The following TUSC7 variants were observed in gnomAD, a reference collection of about 807,000 sequenced individuals.
The protein encoded by TUSC7 is LSAMP antisense RNA 3.
chr3:116,710,123 C>G (rs963412911), intron 1 of TUSC7: 3 of 152,124 alleles, frequency 2.0e-5, no homozygotes, highest in Admixed American at 2.0e-4. Context: ...CCACAAATTT[C>G]TAATTTTAAA....
chr3:116,712,197 A>G lies in TUSC7; in HGVS notation n.98+2321A>G, dbSNP rs372055164. Among the ~76,000 whole-genome samples, 7 of 152,320 alleles carry G rather than the reference A, an allele frequency of 4.6e-5. No homozygotes were observed. The East Asian group carries it at 1.3e-3, about 29-fold the overall frequency. On this transcript the variant is annotated intron_variant and non_coding_transcript_variant, in intron 1 of 2. Transcript: ENST00000477805. ...GCTCCTGTGTTTTCTTATCTTATTAAATGATGCAATTTTCTGCCTTTGTCA... is the reference window on the plus strand; with the variant it reads ...GCTCCTGTGTTTTCTTATCTTATTAGATGATGCAATTTTCTGCCTTTGTCA...
At chr3:116,715,015 A>G (rs2051494122) in intron 1 of TUSC7, among the ~76,000 whole-genome samples, 1 of 152,146 alleles carries the variant, frequency 6.6e-6, no homozygotes, top group Admixed American at 6.6e-5. Context: ...ACCCTTGACA[A>G]CCACTCATCT....
At chr3:116,716,608 G>T (rs1380275688) in intron 1 of TUSC7, 3 of 152,194 alleles carry the variant, frequency 2.0e-5, no homozygotes, top group African/African-American at 7.2e-5. Flanking sequence ...CTGTCCATCA[G>T]ACAAGGATGA....
intron 1 of TUSC7, chr3:116,714,262 C>T (rs1020170559): frequency 1.3e-5 from 2 of 152,126 alleles, no homozygotes; most frequent in African/African-American, 4.8e-5. Context: ...TTACCTTTCA[C>T]CATGGAATTG....
intron 1 of TUSC7, among the ~76,000 whole-genome samples, chr3:116,713,324 A>C (rs16825362): frequency 0.28 from 42,816 of 152,016 alleles, 6,495 homozygotes; most frequent in South Asian, 0.51. Context: ...CATCATGCTG[A>C]CACTCCCTAA....
intron 1 of TUSC7, among the ~76,000 whole-genome samples, chr3:116,715,570 T>G (rs1179814560): frequency 6.6e-6 from 1 of 152,216 alleles, no homozygotes; most frequent in African/African-American, 2.4e-5. Flanking sequence ...ATTTCCCTGA[T>G]GACATACTGT....
At chr3:116,709,791 G>A (rs1393976014) in exon 1 of TUSC7, 2 of 152,088 alleles carry the variant, frequency 1.3e-5, no homozygotes, top group Non-Finnish European at 2.9e-5. Flanking sequence ...TACACAAGGG[G>A]TACCAAAGTC....
At chr3:116,715,214 A>G (rs2051495578) in intron 1 of TUSC7, among the ~76,000 whole-genome samples, 2 of 152,078 alleles carry the variant, frequency 1.3e-5, no homozygotes, top group Admixed American at 1.3e-4. Flanking sequence ...ACCACAGTTG[A>G]TTTCTCCATT....
intron 1 of TUSC7, among the ~76,000 whole-genome samples, chr3:116,713,579 AG>A (rs2051480221): frequency 6.6e-6 from 1 of 152,218 alleles, no homozygotes; most frequent in East Asian, 1.9e-4. Context: ...GTTTCTAACT[AG>A]AGTTTTAAGC....
intron 1 of TUSC7, among the ~76,000 whole-genome samples, chr3:116,713,241 A>G (rs2051477660): frequency 6.6e-6 from 1 of 152,214 alleles, no homozygotes; most frequent in African/African-American, 2.4e-5. Context: ...AAAATTCTAT[A>G]GATGACCCAG....
intron 1 of TUSC7, among the ~76,000 whole-genome samples, chr3:116,711,452 A>G (rs2051462641): frequency 6.6e-6 from 1 of 152,268 alleles, no homozygotes; most frequent in East Asian, 1.9e-4. Context: ...ATTATTATTC[A>G]GGAAACCTGT....
chr3:116,714,629 T>G, intron 1 of TUSC7, among the ~76,000 whole-genome samples: 1 of 152,290 alleles, frequency 6.6e-6, no homozygotes, highest in South Asian at 2.1e-4. Flanking sequence ...TTATTCCAAC[T>G]GTATGACAGA....
intron 1 of TUSC7, among the ~76,000 whole-genome samples, chr3:116,714,389 C>G (rs1031858627): frequency 1.3e-5 from 2 of 152,188 alleles, no homozygotes; most frequent in Non-Finnish European, 2.9e-5. Flanking sequence ...TAGAGCTAGT[C>G]TGCATCTTAG....
At chr3:116,710,075 C>A (rs2051450671) in intron 1 of TUSC7, 1 of 152,122 alleles carries the variant, frequency 6.6e-6, no homozygotes, top group African/African-American at 2.4e-5. Flanking sequence ...GCGCATTTCT[C>A]TTAAACAATG....
Position 116,711,986 on chromosome 3 carries a change from T to A in TUSC7, n.98+2110T>A, listed in dbSNP as rs143841605. Among the ~76,000 whole-genome samples the A allele has an allele frequency of 2.1e-3, 325 of 152,356 alleles. 3 individuals are homozygous for A. Among genetic ancestry groups the A allele is most frequent in the Middle Eastern group, 0.017 (5 of 294 alleles). ...TTATCCTTTTTTGTGAGGCACATTT[T>A]ATGAATTGGTTATTATCTGCATTAG... On this transcript the variant is annotated intron_variant and non_coding_transcript_variant, in intron 1 of 2. Coordinates refer to ENST00000477805, the Ensembl canonical transcript of TUSC7.
chr3:116,713,864 G>C (rs960297400), intron 1 of TUSC7, among the ~76,000 whole-genome samples: 1 of 152,152 alleles, frequency 6.6e-6, no homozygotes, highest in Non-Finnish European at 1.5e-5. Flanking sequence ...TACTTGGGAG[G>C]CTGAGCCAGG....
In TUSC7 at chr3:116,714,611, G is replaced by T. The variant is rs549186510; in HGVS notation, n.99-3150G>T. Among the ~76,000 whole-genome samples, 15 of 152,260 alleles carry T rather than the reference G, an allele frequency of 9.9e-5. No individual in the cohort carries two copies. In the South Asian group the frequency reaches 1.2e-3, roughly 13 times the overall value. On this transcript the variant is annotated intron_variant and non_coding_transcript_variant, in intron 1 of 2. Transcript: ENST00000477805. ...TACATTTCAAATAGCAAGACCTGTA[G>T]GGTATTTTTATTCCAACTGTATGAC...
intron 1 of TUSC7, among the ~76,000 whole-genome samples, chr3:116,711,956 A>G (rs1559924444): frequency 1.3e-5 from 2 of 152,238 alleles, no homozygotes; most frequent in East Asian, 3.9e-4. Context: ...ATAAATTTAC[A>G]GAATTTATCC....
intron 1 of TUSC7, among the ~76,000 whole-genome samples, chr3:116,715,521 G>T (rs541682637): frequency 1.3e-5 from 2 of 152,240 alleles, no homozygotes; most frequent in South Asian, 4.1e-4. Context: ...AGGAATTCTA[G>T]TATATGTGTA....
Sources: gnomAD v4.1 joint callset for allele counts (sites outside exome capture counted in the v4.1 genomes callset) on GRCh38, gnomAD v4.1.1 for gene constraint, MANE v1.5 for transcripts, NCBI Gene and HGNC (gene_info 2026-07-23, HGNC 2026-07-21) for gene names.